TLL2: variants seen among roughly 807,000 people sequenced by gnomAD.
TLL2 encodes tolloid-like protein 2.
Under a neutral mutation model 123.0 loss-of-function variants are expected in TLL2, and 106 were observed. The observed-to-expected ratio is 0.86, with a 90% CI of 0.74 to 1.01. The LOEUF is 1.01. Ranked by LOEUF, TLL2 falls within the 50% of genes least tolerant of loss-of-function variation. TLL2 has a pLI of 0.00. For missense variants in TLL2, 1,332 were observed against 1,336.7 expected (o/e 1.00, Z 0.06); for synonymous variants, 494 against 516.8 (o/e 0.96, Z 0.60).
In TLL2 at chr10:96,368,111, C is replaced by T. The variant is rs1371097693; in HGVS notation, c.3025G>A (p.Asp1009Asn). The change falls in exon 21 of 21, where the codon GAT becomes AAT. Residue 1009 changes from aspartate (D) to asparagine (N), a missense_variant. Asp to Asn is a conservative substitution (Grantham distance 23). Transcript: ENST00000357947. Reference sequence around the variant, plus strand: ...CACTATTTCTTCATGTGCAGGGCATCCTGGAACTTGGTGCTGGTGTATCGG... The same window carrying T: ...CACTATTTCTTCATGTGCAGGGCATTCTGGAACTTGGTGCTGGTGTATCGG... The part of the protein sequence containing the change: ...HARYTSTKFQ[D>N]ALHMKK 1.2e-6 allele frequency: 2 copies of T among 1,614,206 alleles called. No homozygotes were observed. The highest frequency in any genetic ancestry group is 2.2e-5 in the South Asian group (2 of 91,080).
chr10:96,479,203 T>G (rs1308545699), intron 2 of TLL2, among the ~76,000 whole-genome samples: 1 of 152,202 alleles, frequency 6.6e-6, no homozygotes, highest in African/African-American at 2.4e-5. Context: ...GAAATGACAC[T>G]CATGAAACAA....
At chr10:96,380,978 C>CAA (rs758416966) in intron 16 of TLL2, among the ~76,000 whole-genome samples, 1 of 102,556 alleles carries the variant, frequency 9.8e-6, no homozygotes, top group Non-Finnish European at 2.1e-5. Flanking sequence ...ACTCTGTCTC[C>CAA]AAAAAAAAAA....
intron 1 of TLL2, among the ~76,000 whole-genome samples, chr10:96,502,242 G>A (rs974610835): frequency 6.6e-6 from 1 of 152,182 alleles, no homozygotes; most frequent in African/African-American, 2.4e-5. Flanking sequence ...AATGACCAGA[G>A]CACCCCGGGG....
Position 96,372,334 on chromosome 10 carries a change from C to T in TLL2, c.2662+1262G>A, listed in dbSNP as rs1412816921. 5.3e-5 allele frequency among the ~76,000 whole-genome samples: 8 copies of T among 152,122 alleles called. No individual in the cohort carries two copies. In the East Asian group the frequency reaches 1.5e-3, roughly 29 times the overall value. On this transcript the variant is annotated intron_variant, in intron 19 of 20. Coordinates refer to ENST00000357947, the MANE Select transcript of TLL2 (RefSeq NM_012465.4). Reference sequence around the variant, plus strand: ...GAGGTAGAGGCTGTTAAAAGGATCACAGGGTCCCATGATCGTGAGCTCAGA... The same window carrying T: ...GAGGTAGAGGCTGTTAAAAGGATCATAGGGTCCCATGATCGTGAGCTCAGA...
At chr10:96,395,110 G>A in intron 13 of TLL2, 77 bp downstream of exon 13, 1 of 1,429,688 alleles carries the variant, frequency 7.0e-7, no homozygotes, top group South Asian at 1.4e-5. Context: ...GCTTCCATAT[G>A]GTTTTGTGTG....
rs55648508 is a variant in TLL2, at chr10:96,480,700, G to T, written c.176-241C>A. ...GAAAATCCAAATCCTAAGTCTGTAA[G>T]GTATTTTGAAAGGTCACCTGTCTTG... On this transcript the variant is annotated intron_variant, in intron 1 of 20. Transcript: ENST00000357947. Among the ~76,000 whole-genome samples the T allele has an allele frequency of 4.3e-3, 656 of 152,274 alleles. 3 individuals are homozygous for T. The highest frequency in any genetic ancestry group is 0.017 in the Middle Eastern group (5 of 294).
At chr10:96,475,890 G>C (rs1282742930) in intron 2 of TLL2, among the ~76,000 whole-genome samples, 1 of 152,046 alleles carries the variant, frequency 6.6e-6, no homozygotes. Flanking sequence ...TGGGTCTCAC[G>C]AGATCTGACG....
Position 96,391,729 on chromosome 10 carries a change from T to G in TLL2, c.1726+3458A>C, listed in dbSNP as rs527873065. On this transcript the variant is annotated intron_variant, in intron 13 of 20. Transcript: ENST00000357947. ...TGTCCTTTCCCTGATTTAATAGGTCTAGATGAGGTTTCTGTTAATCCTGAT... is the reference window on the plus strand; with the variant it reads ...TGTCCTTTCCCTGATTTAATAGGTCGAGATGAGGTTTCTGTTAATCCTGAT... 4.6e-5 allele frequency among the ~76,000 whole-genome samples: 7 copies of G among 152,346 alleles called. No individual in the cohort carries two copies. The East Asian group carries it at 1.4e-3, about 29-fold the overall frequency.
chr10:96,398,333 G>A (rs1846359884), intron 10 of TLL2, among the ~76,000 whole-genome samples: 2 of 152,180 alleles, frequency 1.3e-5, no homozygotes, highest in East Asian at 3.8e-4. Flanking sequence ...GGTTAGGGAT[G>A]AGAACATCCC....
At chr10:96,458,376 C>T (rs576993748) in intron 2 of TLL2, among the ~76,000 whole-genome samples, 96 of 152,092 alleles carry the variant, frequency 6.3e-4, no homozygotes, top group Non-Finnish European at 8.4e-4. Flanking sequence ...CACCTGAGGT[C>T]ACGAGTTCGA....
At chr10:96,419,925 A>G (rs1442601102) in intron 7 of TLL2, among the ~76,000 whole-genome samples, 2 of 152,126 alleles carry the variant, frequency 1.3e-5, no homozygotes, top group African/African-American at 4.8e-5. Flanking sequence ...AGCACAGGGC[A>G]GGATTTGCTG....
chr10:96,426,844 T>C (rs17111856), intron 5 of TLL2, among the ~76,000 whole-genome samples: 53,817 of 152,032 alleles, frequency 0.35, 9,637 homozygotes, highest in African/African-American at 0.39. Context: ...ATTTGTTAGC[T>C]CTGTAATGTT....
chr10:96,512,171 C>G (rs902327530), intron 1 of TLL2, among the ~76,000 whole-genome samples: 1 of 152,150 alleles, frequency 6.6e-6, no homozygotes, highest in Non-Finnish European at 1.5e-5. Flanking sequence ...CAAACCTTCA[C>G]AAGATTCTCA....
At position 96,367,970 on chromosome 10, in the gene TLL2, TTTTG is replaced by T; in HGVS notation, c.*114_*117del. On this transcript the variant is annotated 3_prime_UTR_variant, in exon 21 of 21. Transcript: ENST00000357947. The stretch of plus-strand genomic sequence containing the variant: ...ATACCTCTAAGGCTGGATTCTGAGT[TTTTG>T]TTTGAGAAAAATACTGTACACTGTT... 2 of 1,294,672 alleles carry T rather than the reference TTTTG, an allele frequency of 1.5e-6. No individual in the cohort carries two copies. Among genetic ancestry groups the T allele is most frequent in the South Asian group, 3.1e-5 (2 of 63,736 alleles). 80.2% of individuals were successfully genotyped at this position (1,294,672 alleles called of 1,614,324 possible). A position where few individuals can be genotyped will look rare whatever the true frequency, so the allele number is the denominator to read the frequency against.
At position 96,416,055 on chromosome 10, in the gene TLL2, T is replaced by C. The variant is rs192251752; in HGVS notation, c.924-2739A>G. On this transcript the variant is annotated intron_variant, in intron 7 of 20. Transcript: ENST00000357947. ...AGTCTGGACTCCTGCAGAGAAACTT[T>C]AGTGGAATCCTTGGCCTCCCTCACT... Among the ~76,000 whole-genome samples, 238 of 152,108 alleles carry C rather than the reference T, an allele frequency of 1.6e-3. 1 individual carries two copies. The highest frequency in any genetic ancestry group is 2.7e-3 in the Admixed American group (41 of 15,274).
At chr10:96,491,233 T>G (rs1056874669) in intron 1 of TLL2, among the ~76,000 whole-genome samples, 4 of 151,668 alleles carry the variant, frequency 2.6e-5, no homozygotes, top group African/African-American at 7.3e-5. Context: ...ATACAAAAAA[T>G]TAGCTGGGCG....
At chr10:96,384,555 G>A (rs7085022) in intron 16 of TLL2, 32 bp downstream of exon 16, 1,512,048 of 1,517,838 alleles carry the variant, frequency 1, 753,312 homozygotes, top group East Asian at 1. Flanking sequence ...CCTCACTCGC[G>A]CTGCATCAGC....
intron 9 of TLL2, among the ~76,000 whole-genome samples, chr10:96,407,060 T>C (rs1172446966): frequency 6.6e-6 from 1 of 151,990 alleles, no homozygotes; most frequent in Non-Finnish European, 1.5e-5. Context: ...TCCACTCATA[T>C]CTCATGTTTA....
At chr10:96,419,033 C>T (rs1846594056) in intron 7 of TLL2, among the ~76,000 whole-genome samples, 1 of 152,028 alleles carries the variant, frequency 6.6e-6, no homozygotes, top group South Asian at 2.1e-4. Context: ...GGGCCTTTGG[C>T]TATTCCCTGC....
Sources: allele counts gnomAD v4.1 joint callset (sites outside exome capture counted in the v4.1 genomes callset), GRCh38; gene constraint gnomAD v4.1.1; transcripts MANE v1.5; gene names NCBI Gene and HGNC (gene_info 2026-07-23, HGNC 2026-07-21).